Variants in BRWD1 observed in about 807,000 individuals in gnomAD.
The protein encoded by BRWD1 is bromodomain and WD repeat domain containing 1, also known as bromodomain and WD repeat-containing protein 1.
A neutral mutation model predicts 251.2 loss-of-function variants in BRWD1; 82 were observed. That is an observed-to-expected ratio of 0.33 (90% CI 0.27 to 0.39). The LOEUF (loss-of-function observed/expected upper bound fraction) is 0.39. BRWD1 is among the 10% of genes least tolerant of loss of function. The pLI is 1.00. For synonymous variants in BRWD1, 918 were observed against 902.8 expected, an observed-to-expected ratio of 1.02 and a Z score of -0.30; for missense variants, 2,233 against 2,711.6, an observed-to-expected ratio of 0.82 and a Z score of 3.92.
chr21:39,194,567 G>A lies in BRWD1; in HGVS notation c.*1692C>T, dbSNP rs2031713799. On this transcript the variant is annotated 3_prime_UTR_variant, in exon 41 of 41. Transcript: ENST00000342449. ...GAGAGGAGGTTTCCCACCTATCTCA[G>A]TTGATAATGTCCAAAAACATCCTTC... 6.8e-7 allele frequency: 1 copy of A among 1,460,062 alleles called. No homozygotes were observed. 90.4% of individuals were successfully genotyped at this position (1,460,062 alleles called of 1,614,324 possible). A position where few individuals can be genotyped will look rare whatever the true frequency, so the allele number is the denominator to read the frequency against.
Position 39,236,631 on chromosome 21 carries a change from T to C in BRWD1, c.2730A>G (p.Arg910=), listed in dbSNP as rs1364890493. 1 of 1,610,600 alleles carries C rather than the reference T, an allele frequency of 6.2e-7. No homozygotes were observed. The highest frequency in any genetic ancestry group is 8.5e-7 in the Non-Finnish European group (1 of 1,178,870). The part of the protein sequence containing the change: ...STENLSPPKR[R]RKRKKENKPK... ...GCTTATTTTCTTTCTTTCTCTTTCG[T>C]CTTCTTTTTGGAGGAGATAAATTCT... is the stretch of plus-strand genomic sequence containing the variant. The change falls in exon 23 of 41, where the codon AGA becomes AGG. Residue 910 remains arginine, a synonymous_variant. Transcript: ENST00000342449.
chr21:39,275,054 T>G (rs1346905735), intron 12 of BRWD1, among the ~76,000 whole-genome samples: 1 of 149,348 alleles, frequency 6.7e-6, no homozygotes, highest in Non-Finnish European at 1.5e-5. Flanking sequence ...CAAAAAAAAA[T>G]AATTAAATAA....
chr21:39,305,678 C>A (rs2036262681), intron 4 of BRWD1, among the ~76,000 whole-genome samples: 1 of 152,018 alleles, frequency 6.6e-6, no homozygotes, highest in Non-Finnish European at 1.5e-5. Context: ...TCCTGGCCAA[C>A]ACGGTGAAAC....
chr21:39,184,661 AATT>A (rs2031108263), downstream of BRWD1: 1 of 152,226 alleles, frequency 6.6e-6, no homozygotes, highest in African/African-American at 2.4e-5. Flanking sequence ...ATTTACATAA[AATT>A]AGTACTTAGC....
In BRWD1 at chr21:39,190,489, TA is replaced by T; in HGVS notation, c.*5769del. 1.0e-6 allele frequency: 1 copy of T among 985,366 alleles called. No homozygotes were observed. Among genetic ancestry groups the T allele is most frequent in the Non-Finnish European group, 1.2e-6 (1 of 829,894 alleles). 61.0% of individuals were successfully genotyped at this position (985,366 alleles called of 1,614,324 possible). On this transcript the variant is annotated 3_prime_UTR_variant, in exon 41 of 41. Transcript: ENST00000342449. ...ATTATTGGTTGCTGTGGTTGGTGGA[TA>T]AATCAAATCCACAAAGTGGGTAAAC... is the stretch of plus-strand genomic sequence containing the variant.
chr21:39,280,123 C>A (rs1451693521), intron 9 of BRWD1, 25 bp downstream of exon 9: 1 of 1,494,988 alleles, frequency 6.7e-7, no homozygotes, highest in Non-Finnish European at 9.1e-7. Context: ...AAAACAAAAC[C>A]TGTTACATAA....
chr21:39,241,371 G>A (rs151274508), intron 21 of BRWD1, among the ~76,000 whole-genome samples: 2,286 of 149,672 alleles, frequency 0.015, 55 homozygotes, highest in African/African-American at 0.053. Flanking sequence ...GGGAGGCTGA[G>A]GCAGGAGAAT....
chr21:39,297,993 T>C, intron 5 of BRWD1: 2 of 985,824 alleles, frequency 2.0e-6, no homozygotes, highest in Non-Finnish European at 1.2e-6. Flanking sequence ...GTGGTGCTTG[T>C]TTTCAAGCTG....
At chr21:39,265,298 G>T (rs770608291) in intron 15 of BRWD1, among the ~76,000 whole-genome samples, 2 of 151,992 alleles carry the variant, frequency 1.3e-5, no homozygotes, top group Non-Finnish European at 2.9e-5. Flanking sequence ...GGCAGTGTGC[G>T]TCTGTAGTCC....
chr21:39,187,705 AT>A lies in BRWD1; in HGVS notation c.*8553del, dbSNP rs1224094471. 4.1e-6 allele frequency: 4 copies of A among 984,728 alleles called. No homozygotes were observed. The highest frequency in any genetic ancestry group is 6.1e-5 in the Admixed American group (1 of 16,262). 61.0% of individuals were successfully genotyped at this position (984,728 alleles called of 1,614,324 possible). ...CATAAAGCTGCTAATCTAAAAACAT[AT>A]ATATGAGCATTTTACATAATTTGAA... On this transcript the variant is annotated 3_prime_UTR_variant, in exon 41 of 41. Transcript: ENST00000342449.
intron 4 of BRWD1, among the ~76,000 whole-genome samples, chr21:39,306,767 T>C (rs1454768355): frequency 6.6e-6 from 1 of 152,242 alleles, no homozygotes; most frequent in Non-Finnish European, 1.5e-5. Flanking sequence ...TCATTTTTCT[T>C]AAACCTTCAA....
At chr21:39,251,138 A>G (rs2034379850) in intron 19 of BRWD1, among the ~76,000 whole-genome samples, 1 of 152,208 alleles carries the variant, frequency 6.6e-6, no homozygotes, top group Admixed American at 6.5e-5. Flanking sequence ...ATCAGGACCA[A>G]TTCAAACAGA....
Position 39,187,146 on chromosome 21 carries a change from C to G in BRWD1, c.*9113G>C, listed in dbSNP as rs767905013. ...TTGTATCATCCTCTTTATAAACATTCAGTAATTTTTTCTTAGCCGCAGCAG... is the reference window on the plus strand; with the variant it reads ...TTGTATCATCCTCTTTATAAACATTGAGTAATTTTTTCTTAGCCGCAGCAG... On this transcript the variant is annotated 3_prime_UTR_variant, in exon 41 of 41. Transcript: ENST00000342449. 1.2e-6 allele frequency: 2 copies of G among 1,613,662 alleles called. No homozygotes were observed. Among genetic ancestry groups the G allele is most frequent in the Admixed American group, 1.7e-5 (1 of 59,948 alleles).
chr21:39,245,357 A>AC (rs1369689238), intron 21 of BRWD1, among the ~76,000 whole-genome samples: 1 of 152,120 alleles, frequency 6.6e-6, no homozygotes, highest in Non-Finnish European at 1.5e-5. Context: ...TTCTCACCAC[A>AC]CCTCTGAGGT....
intron 4 of BRWD1, among the ~76,000 whole-genome samples, chr21:39,309,416 C>T (rs1288253389): frequency 6.6e-6 from 1 of 151,972 alleles, no homozygotes; most frequent in Non-Finnish European, 1.5e-5. Flanking sequence ...TGTGATCACA[C>T]CACTGCACCC....
At chr21:39,262,790 A>G (rs1194609939) in intron 17 of BRWD1, among the ~76,000 whole-genome samples, 1 of 152,220 alleles carries the variant, frequency 6.6e-6, no homozygotes, top group East Asian at 1.9e-4. Context: ...ACTGATTACA[A>G]GGGACTGGGA....
rs1179581949 is a variant in BRWD1, at chr21:39,195,570, T to C, written c.*689A>G. 3 of 984,734 alleles carry C rather than the reference T, an allele frequency of 3.0e-6. No individual in the cohort carries two copies. Among genetic ancestry groups the C allele is most frequent in the East Asian group, 2.3e-4 (2 of 8,828 alleles). 61.0% of individuals were successfully genotyped at this position (984,734 alleles called of 1,614,324 possible). A position where few individuals can be genotyped will look rare whatever the true frequency, so the allele number is the denominator to read the frequency against. ...TAGAGGTTTAAAACATGCACTCAAA[T>C]CATTAAAAATAATTTACCAGCACTT... On this transcript the variant is annotated 3_prime_UTR_variant, in exon 41 of 41. Coordinates refer to ENST00000342449, the MANE Select transcript of BRWD1 (RefSeq NM_033656.4).
rs111597637 is a variant in BRWD1, at chr21:39,196,133, A to G, written c.*126T>C. On this transcript the variant is annotated 3_prime_UTR_variant, in exon 41 of 41. Transcript: ENST00000342449. ...TAACAGTCATGATTTAGTCACATTC[A>G]TAACTTTTCATAGAAAAATATAAAT... 1.4e-6 allele frequency: 2 copies of G among 1,449,452 alleles called. No homozygotes were observed. Among genetic ancestry groups the G allele is most frequent in the East Asian group, 2.5e-5 (1 of 39,948 alleles). The allele number at this position is 1,449,452 out of a possible 1,614,324, so 89.8% of individuals were successfully genotyped here.
chr21:39,235,634 A>T, intron 23 of BRWD1: 1 of 221,834 alleles, frequency 4.5e-6, no homozygotes, highest in Admixed American at 4.1e-5. Flanking sequence ...TAGGAGAAAA[A>T]CTCCCCAAAT....
Sources: gnomAD v4.1 joint callset for allele counts (sites outside exome capture counted in the v4.1 genomes callset) on GRCh38, gnomAD v4.1.1 for gene constraint, MANE v1.5 for transcripts, NCBI Gene and HGNC (gene_info 2026-07-23, HGNC 2026-07-21) for gene names.